CHRM3: variants seen among roughly 807,000 people sequenced by gnomAD.
The protein encoded by CHRM3 is cholinergic receptor muscarinic 3, also known as muscarinic acetylcholine receptor M3.
A neutral mutation model predicts 41.8 loss-of-function variants in CHRM3; 11 were observed. The observed-to-expected ratio is 0.26, with a 90% CI of 0.17 to 0.44. CHRM3 has a LOEUF of 0.44. Among genes scored for constraint, CHRM3 ranks in the 20% least tolerant of loss-of-function variants. The pLI is 1.00. For synonymous variants in CHRM3, 297 were observed against 301.4 expected, an observed-to-expected ratio of 0.99 and a Z score of 0.15; for missense variants, 571 against 745.4, an observed-to-expected ratio of 0.77 and a Z score of 2.72.
At chr1:239,400,987 A>G (rs1659922859) in intron 1 of CHRM3, among the ~76,000 whole-genome samples, 1 of 152,204 alleles carries the variant, frequency 6.6e-6, no homozygotes, top group Non-Finnish European at 1.5e-5. Flanking sequence ...GTTGCCTTTT[A>G]TATAAAATGC....
In CHRM3 at chr1:239,667,632, C is replaced by A. The variant is rs552332275; in HGVS notation, c.-249-10554C>A. 5.3e-5 allele frequency among the ~76,000 whole-genome samples: 8 copies of A among 152,282 alleles called. No homozygotes were observed. The East Asian group carries it at 1.2e-3, about 22-fold the overall frequency. On this transcript the variant is annotated intron_variant, in intron 4 of 6. Transcript: ENST00000676153. ...GGAGAATTAAGTTCTCAGAGAAGCACCTCTTCATCCTTTCCCTTGTCACGT... is the reference window on the plus strand; with the variant it reads ...GGAGAATTAAGTTCTCAGAGAAGCAACTCTTCATCCTTTCCCTTGTCACGT...
intron 1 of CHRM3, among the ~76,000 whole-genome samples, chr1:239,470,011 G>A (rs940677643): frequency 6.6e-6 from 1 of 152,144 alleles, no homozygotes; most frequent in Admixed American, 6.6e-5. Context: ...ACTGAGCCTT[G>A]TCTGTGCCAT....
chr1:239,414,906 A>G (rs759820377), intron 1 of CHRM3, among the ~76,000 whole-genome samples: 1 of 152,170 alleles, frequency 6.6e-6, no homozygotes, highest in Non-Finnish European at 1.5e-5. Flanking sequence ...TTCTCTTGTA[A>G]TATTTCATTT....
intron 1 of CHRM3, among the ~76,000 whole-genome samples, chr1:239,461,145 G>T (rs1189782833): frequency 1.3e-5 from 2 of 152,170 alleles, no homozygotes; most frequent in African/African-American, 4.8e-5. Context: ...GAAAGTTCAA[G>T]GCTATATTTT....
At chr1:239,717,687 A>G (rs1662524731) in intron 5 of CHRM3, among the ~76,000 whole-genome samples, 1 of 151,964 alleles carries the variant, frequency 6.6e-6, no homozygotes, top group African/African-American at 2.4e-5. Context: ...CTTTTATGCT[A>G]CCTGTCATTT....
chr1:239,823,114 G>A (rs992196499), intron 5 of CHRM3, among the ~76,000 whole-genome samples: 2 of 152,138 alleles, frequency 1.3e-5, no homozygotes, highest in African/African-American at 4.8e-5. Context: ...ATTTATCCTC[G>A]CACATAACCT....
intron 3 of CHRM3, among the ~76,000 whole-genome samples, chr1:239,622,891 T>C (rs1368788047): frequency 6.6e-6 from 1 of 152,166 alleles, no homozygotes; most frequent in East Asian, 1.9e-4. Context: ...ATGTGATGTA[T>C]AGCATCACAA....
At chr1:239,593,289 T>G in intron 3 of CHRM3, among the ~76,000 whole-genome samples, 1 of 152,274 alleles carries the variant, frequency 6.6e-6, no homozygotes, top group Middle Eastern at 3.4e-3. Context: ...CCCTGCCATT[T>G]TTTTCCTCAT....
intron 3 of CHRM3, among the ~76,000 whole-genome samples, chr1:239,620,267 A>G (rs999121032): frequency 6.6e-6 from 1 of 152,146 alleles, no homozygotes; most frequent in African/African-American, 2.4e-5. Context: ...CTCAAAATAC[A>G]TTTTTCAAGG....
At chr1:239,891,122 C>T (rs1199507132) in intron 6 of CHRM3, among the ~76,000 whole-genome samples, 1 of 152,050 alleles carries the variant, frequency 6.6e-6, no homozygotes, top group Non-Finnish European at 1.5e-5. Flanking sequence ...CCTTTCTTGT[C>T]CTCAGGAAGC....
intron 1 of CHRM3, among the ~76,000 whole-genome samples, chr1:239,446,240 G>A (rs1420723287): frequency 6.6e-6 from 1 of 152,226 alleles, no homozygotes; most frequent in East Asian, 1.9e-4. Flanking sequence ...TGGCCAGTGT[G>A]CACTTTCTAA....
intron 4 of CHRM3, among the ~76,000 whole-genome samples, chr1:239,665,211 CTTCT>C (rs1363882929): frequency 6.8e-6 from 1 of 146,318 alleles, no homozygotes; most frequent in Non-Finnish European, 1.5e-5. Flanking sequence ...ACCTCCCTGT[CTTCT>C]TTAACTCATT....
chr1:239,838,673 T>C (rs1003858313), intron 6 of CHRM3, among the ~76,000 whole-genome samples: 2 of 152,302 alleles, frequency 1.3e-5, no homozygotes, highest in East Asian at 3.9e-4. Flanking sequence ...AAAGTAGACT[T>C]GGCATCTTCT....
intron 2 of CHRM3, among the ~76,000 whole-genome samples, chr1:239,524,687 TAAAC>T (rs1669875849): frequency 6.6e-6 from 1 of 152,054 alleles, no homozygotes; most frequent in Non-Finnish European, 1.5e-5. Flanking sequence ...AAAATAAAAT[TAAAC>T]AAACTCAAAA....
At chr1:239,697,525 G>T (rs1660311270) in intron 5 of CHRM3, among the ~76,000 whole-genome samples, 1 of 152,140 alleles carries the variant, frequency 6.6e-6, no homozygotes, top group Admixed American at 6.5e-5. Flanking sequence ...AGCAAAAAAT[G>T]ATATCAGGGA....
intron 6 of CHRM3, among the ~76,000 whole-genome samples, chr1:239,901,345 T>C (rs920445358): frequency 2.0e-5 from 3 of 151,674 alleles, no homozygotes; most frequent in Admixed American, 6.6e-5. Context: ...TTTTTTTTTT[T>C]CCTCATTCGG....
At chr1:239,846,455 C>T (rs967212096) in intron 6 of CHRM3, among the ~76,000 whole-genome samples, 29 of 152,110 alleles carry the variant, frequency 1.9e-4, no homozygotes, top group African/African-American at 5.8e-4. Flanking sequence ...AAAGGATTCT[C>T]GGTCTAATGC....
intron 3 of CHRM3, among the ~76,000 whole-genome samples, chr1:239,628,534 C>G (rs993378125): frequency 5.9e-5 from 4 of 67,246 alleles, no homozygotes; most frequent in African/African-American, 1.3e-4. Flanking sequence ...AGCTTTGTTC[C>G]GTTGCTGGTG....
chr1:239,455,785 G>T (rs1664887807), intron 1 of CHRM3, among the ~76,000 whole-genome samples: 1 of 152,052 alleles, frequency 6.6e-6, no homozygotes, highest in African/African-American at 2.4e-5. Context: ...ACTGAAAGAA[G>T]AAAAAAATTT....
Sources: gnomAD v4.1 joint callset for allele counts (sites outside exome capture counted in the v4.1 genomes callset) on GRCh38, gnomAD v4.1.1 for gene constraint, MANE v1.5 for transcripts, NCBI Gene and HGNC (gene_info 2026-07-23, HGNC 2026-07-21) for gene names.